ARFGEF2: variants seen among roughly 807,000 people sequenced by gnomAD.
The protein encoded by ARFGEF2 is brefeldin A-inhibited guanine nucleotide-exchange protein 2.
ARFGEF2 carries 74 observed loss-of-function variants against 219.9 expected under a neutral mutation model. The ratio of observed to expected loss-of-function variants is 0.34; its 90% confidence interval spans 0.28 to 0.41. ARFGEF2 has a LOEUF of 0.41. Among genes scored for constraint, ARFGEF2 ranks in the 10% least tolerant of loss-of-function variants. The pLI is 1.00. For missense variants in ARFGEF2, 1,743 were observed against 2,218.3 expected (o/e 0.79, Z 4.30); for synonymous variants, 733 against 799.2 (o/e 0.92, Z 1.40).
At position 48,921,807 on chromosome 20, in the gene ARFGEF2, G is replaced by C. The variant is rs895185517; in HGVS notation, c.-83G>C. ...CGGACGGACGCGGCCGGTGCCGGCCGGGACGCCGGGCCCGCAGCCTAGCTC... is the reference window on the plus strand; with the variant it reads ...CGGACGGACGCGGCCGGTGCCGGCCCGGACGCCGGGCCCGCAGCCTAGCTC... On this transcript the variant is annotated 5_prime_UTR_variant, in exon 1 of 39. Coordinates refer to ENST00000371917, the MANE Select transcript of ARFGEF2 (RefSeq NM_006420.3). The C allele has an allele frequency of 1.9e-5, 23 of 1,237,432 alleles. No homozygotes were observed. In the Admixed American group the frequency reaches 2.7e-4, roughly 15 times the overall value. 76.7% of individuals were successfully genotyped at this position (1,237,432 alleles called of 1,614,324 possible). A position where few individuals can be genotyped will look rare whatever the true frequency, so the allele number is the denominator to read the frequency against.
chr20:49,033,152 C>T lies in ARFGEF2; in HGVS notation c.5311C>T (p.Pro1771Ser). Reference sequence around the variant, plus strand: ...AGGTGTTGTGTATAAGATATGGATACCAGAAGAGCCATCACAGGTACCAGC... The same window carrying T: ...AGGTGTTGTGTATAAGATATGGATATCAGAAGAGCCATCACAGGTACCAGC... ...RIGVVYKIWI[P>S]EEPSQVPAAL... Residue 1771 changes from proline (P) to serine (S), a missense_variant, in exon 39 of 39, where the codon CCA (proline) becomes TCA (serine). Physicochemically the swap from Pro to Ser is moderately conservative, Grantham distance 74 (BLOSUM62 -1). Coordinates refer to ENST00000371917, the MANE Select transcript of ARFGEF2 (RefSeq NM_006420.3). 1.2e-6 allele frequency: 2 copies of T among 1,613,976 alleles called. No homozygotes were observed. Among genetic ancestry groups the T allele is most frequent in the Non-Finnish European group, 1.7e-6 (2 of 1,180,020 alleles).
At chr20:48,935,400 A>T (rs1225161946) in intron 1 of ARFGEF2, among the ~76,000 whole-genome samples, 1 of 152,086 alleles carries the variant, frequency 6.6e-6, no homozygotes, top group Non-Finnish European at 1.5e-5. Flanking sequence ...CAGAGAGCAC[A>T]GGGTTGGGGG....
intron 25 of ARFGEF2, among the ~76,000 whole-genome samples, chr20:49,004,806 A>AT (rs1418709615): frequency 6.6e-6 from 1 of 152,140 alleles, no homozygotes; most frequent in East Asian, 1.9e-4. Context: ...AATAATAATA[A>AT]TAATAATAAA....
rs185552748 is a variant in ARFGEF2 at position 48,974,756 on chromosome 20, C to T, written c.1666-10C>T. ...GTTAAGTCTCTTTCCTGTGTGACTT[C>T]GTCCCTTAGGAGCTCAGCCTGAGGA... On this transcript the variant is annotated splice_polypyrimidine_tract_variant and intron_variant, in intron 12 of 38. Transcript: ENST00000371917. 12 of 1,606,578 alleles carry T rather than the reference C, an allele frequency of 7.5e-6. No individual in the cohort carries two copies. Among genetic ancestry groups the T allele is most frequent in the South Asian group, 4.4e-5 (4 of 90,444 alleles).
chr20:49,015,279 A>G (rs1390377331), intron 30 of ARFGEF2, among the ~76,000 whole-genome samples: 1 of 152,036 alleles, frequency 6.6e-6, no homozygotes, highest in Non-Finnish European at 1.5e-5. Flanking sequence ...ATGTCCAGGT[A>G]ATTTTTGTAA....
At chr20:48,984,963 A>G (rs2091318339) in intron 15 of ARFGEF2, 123 bp downstream of exon 15, 3 of 1,545,184 alleles carry the variant, frequency 1.9e-6, no homozygotes, top group Non-Finnish European at 2.6e-6. Flanking sequence ...CCCGGGTTAT[A>G]CATTGTCTAT....
intron 14 of ARFGEF2, among the ~76,000 whole-genome samples, chr20:48,980,570 T>C (rs538718559): frequency 2.9e-4 from 44 of 152,188 alleles, no homozygotes; most frequent in Non-Finnish European, 4.6e-4. Flanking sequence ...CTGTCTAATA[T>C]TGACAGTGGG....
intron 25 of ARFGEF2, among the ~76,000 whole-genome samples, chr20:48,999,814 G>A (rs2091414420): frequency 6.6e-6 from 1 of 151,740 alleles, no homozygotes; most frequent in Non-Finnish European, 1.5e-5. Context: ...GCCTCTTAAG[G>A]GAAAGGTAAT....
At position 49,033,333 on chromosome 20, in the gene ARFGEF2, C is replaced by T. The variant is rs886056759; in HGVS notation, c.*134C>T. The T allele has an allele frequency of 5.2e-6, 5 of 959,808 alleles. No individual in the cohort carries two copies. The highest frequency in any genetic ancestry group is 8.0e-6 in the Non-Finnish European group (5 of 626,940). The allele number at this position is 959,808 out of a possible 1,614,324, so 59.5% of individuals were successfully genotyped here. A position where few individuals can be genotyped will look rare whatever the true frequency, so the allele number is the denominator to read the frequency against. On this transcript the variant is annotated 3_prime_UTR_variant, in exon 39 of 39. Coordinates refer to ENST00000371917, the MANE Select transcript of ARFGEF2 (RefSeq NM_006420.3). ...CTCAGAATGGCCTGGAAACGGATGG[C>T]CTCTACGCTGTTCCATCACAGTCTC... is the stretch of plus-strand genomic sequence containing the variant.
Position 48,989,298 on chromosome 20 carries a change from A to G in ARFGEF2, c.2547A>G (p.Glu849=). 1.2e-6 allele frequency: 2 copies of G among 1,614,188 alleles called. No individual in the cohort carries two copies. Among genetic ancestry groups the G allele is most frequent in the Admixed American group, 3.3e-5 (2 of 60,020 alleles). Reference sequence around the variant, plus strand: ...CTTACTTTACAGATGTAGCTAGTGAAAAGCAGCGGCGGCTGCTGTACAACT... The same window carrying G: ...CTTACTTTACAGATGTAGCTAGTGAGAAGCAGCGGCGGCTGCTGTACAACT... ...TKSTKQNVAS[E]KQRRLLYNLE... is the part of the protein sequence containing the mutation. The change falls in exon 19 of 39, where the codon GAA becomes GAG. Residue 849 remains glutamate, a synonymous_variant. Coordinates refer to ENST00000371917, the MANE Select transcript of ARFGEF2 (RefSeq NM_006420.3).
intron 1 of ARFGEF2, among the ~76,000 whole-genome samples, chr20:48,931,135 G>A (rs1241204025): frequency 6.6e-6 from 1 of 152,192 alleles, no homozygotes; most frequent in African/African-American, 2.4e-5. Flanking sequence ...TGGCGTGGGA[G>A]GTGAGGAAAC....
intron 21 of ARFGEF2, among the ~76,000 whole-genome samples, chr20:48,991,953 C>T (rs2091359888): frequency 6.6e-6 from 1 of 152,100 alleles, no homozygotes; most frequent in South Asian, 2.1e-4. Flanking sequence ...TGCCAGTTTA[C>T]AGGAAATACA....
At chr20:48,972,304 C>A (rs777420850) in intron 10 of ARFGEF2, 22 bp from the exon 11 acceptor site, 2 of 1,548,796 alleles carry the variant, frequency 1.3e-6, no homozygotes, top group South Asian at 2.2e-5. Context: ...TTAGTGTCCT[C>A]CTTTGTCTTT....
chr20:49,029,713 T>C (rs1353596736), intron 37 of ARFGEF2, among the ~76,000 whole-genome samples: 2 of 151,800 alleles, frequency 1.3e-5, no homozygotes, highest in Admixed American at 6.6e-5. Flanking sequence ...TGCCTCGGCC[T>C]CCTGAGTAGC....
chr20:49,014,638 T>C (rs142753453), intron 30 of ARFGEF2, among the ~76,000 whole-genome samples: 51 of 152,216 alleles, frequency 3.4e-4, no homozygotes, highest in African/African-American at 1.2e-3. Flanking sequence ...TTAAATATGA[T>C]TCGGAGGCCA....
rs879827799 is a variant in ARFGEF2 at position 48,961,961 on chromosome 20, C to CTGCT, written c.839-1867_839-1866insCTTG. ...TGGGAGGCCGAGGTGGGTGGATCAC[C>CTGCT]TGAGGCTGGGAGTTCAAGACTAGCC... On this transcript the variant is annotated intron_variant, in intron 6 of 38. Coordinates refer to ENST00000371917, the MANE Select transcript of ARFGEF2 (RefSeq NM_006420.3). Among the ~76,000 whole-genome samples the CTGCT allele has an allele frequency of 6.9e-3, 1,044 of 151,976 alleles. 11 individuals are homozygous for CTGCT. The highest frequency in any genetic ancestry group is 0.023 in the African/African-American group (956 of 41,444).
chr20:48,934,115 A>G (rs1379870849), intron 1 of ARFGEF2, among the ~76,000 whole-genome samples: 2 of 96,026 alleles, frequency 2.1e-5, no homozygotes, highest in Non-Finnish European at 4.1e-5. Context: ...GTGGGACTTC[A>G]TCTCAAAAAA....
chr20:48,928,819 G>T (rs573486465), intron 1 of ARFGEF2, among the ~76,000 whole-genome samples: 2 of 152,318 alleles, frequency 1.3e-5, no homozygotes, highest in African/African-American at 4.8e-5. Flanking sequence ...AAAGGAAAAG[G>T]AACTGAATGC....
intron 1 of ARFGEF2, among the ~76,000 whole-genome samples, chr20:48,923,006 A>T (rs1247987497): frequency 6.6e-6 from 1 of 152,236 alleles, no homozygotes; most frequent in Non-Finnish European, 1.5e-5. Flanking sequence ...GGGCTTGAGG[A>T]CTGCTTTCCA....
Sources: allele counts gnomAD v4.1 joint callset (sites outside exome capture counted in the v4.1 genomes callset), GRCh38; gene constraint gnomAD v4.1.1; transcripts MANE v1.5; gene names NCBI Gene and HGNC (gene_info 2026-07-23, HGNC 2026-07-21).